The following ALG13 variants were observed in gnomAD, a reference collection of about 807,000 sequenced individuals.
ALG13 encodes the protein ALG13 UDP-N-acetylglucosaminyltransferase subunit, also known as UDP-N-acetylglucosamine transferase subunit ALG13.
A neutral mutation model predicts 87.8 loss-of-function variants in ALG13; 11 were observed. The observed-to-expected ratio is 0.13, with a 90% CI of 0.08 to 0.21. ALG13 has a LOEUF of 0.21. ALG13 is among the 10% of genes least tolerant of loss of function. The pLI is 1.00. For synonymous variants in ALG13, 320 were observed against 306.3 expected (o/e 1.04, Z -0.47); for missense variants, 756 against 866.1 (o/e 0.87, Z 1.60).
At chrX:111,709,837 A>G (rs1382619678) in intron 5 of ALG13, among the ~76,000 whole-genome samples, 2 of 111,094 alleles carry the variant, frequency 1.8e-5, no homozygotes, top group African/African-American at 6.5e-5. Flanking sequence ...TTGACTTAAA[A>G]GCTTGTTACC....
At chrX:111,714,923 A>G (rs181371799) in intron 8 of ALG13, among the ~76,000 whole-genome samples, 1 of 112,201 alleles carries the variant, frequency 8.9e-6, no homozygotes, top group South Asian at 3.7e-4. Flanking sequence ...TGTACATAGC[A>G]TTGCTTGAGA....
chrX:111,757,112 A>G (rs1945326221), intron 25 of ALG13, among the ~76,000 whole-genome samples: 2 of 112,036 alleles, frequency 1.8e-5, no homozygotes, highest in Non-Finnish European at 3.8e-5. Flanking sequence ...TGTATACTTT[A>G]TATATTTTCT....
At chrX:111,736,939 T>A in intron 23 of ALG13, 60 bp downstream of exon 23, 1 of 972,222 alleles carries the variant, frequency 1.0e-6, no homozygotes, top group Non-Finnish European at 1.4e-6. Context: ...AACATGCACA[T>A]CCAGCTGTTC....
chrX:111,696,934 G>T, intron 3 of ALG13, among the ~76,000 whole-genome samples: 1 of 105,930 alleles, frequency 9.4e-6, no homozygotes, highest in East Asian at 3.0e-4. Context: ...ACCCATATTA[G>T]AACTTTGATT....
At chrX:111,729,061 A>G (rs1942391230) in intron 19 of ALG13, among the ~76,000 whole-genome samples, 1 of 111,776 alleles carries the variant, frequency 8.9e-6, no homozygotes, top group Non-Finnish European at 1.9e-5. Flanking sequence ...TATCACCACA[A>G]TAGAGAAATC....
intron 19 of ALG13, among the ~76,000 whole-genome samples, chrX:111,729,996 C>T (rs1195788828): frequency 8.9e-6 from 1 of 112,300 alleles, no homozygotes; most frequent in Non-Finnish European, 1.9e-5. Context: ...CTCCATTTTA[C>T]AGTGAAGAAT....
intron 3 of ALG13, among the ~76,000 whole-genome samples, chrX:111,703,200 A>G (rs1044149675): frequency 1.7e-4 from 19 of 109,914 alleles, no homozygotes; most frequent in African/African-American, 6.3e-4. Context: ...CATCATCATC[A>G]TCATCATCAT....
rs1942292917 is a variant in ALG13, at chrX:111,728,316, TAC to T, written c.2368+13_2368+14del. 7 of 1,207,514 alleles carry T rather than the reference TAC, an allele frequency of 5.8e-6. No individual in the cohort carries two copies. The highest frequency in any genetic ancestry group is 7.8e-6 in the Non-Finnish European group (7 of 893,868). ...GCCAGAGTGAAAATGGTGAGTCAAT[TAC>T]AGTTAAATATTTTTTAAAAGATTCT... On this transcript the variant is annotated intron_variant, in intron 19 of 26. Transcript: ENST00000394780.
At chrX:111,685,894 CAG>C (rs900175853) in intron 3 of ALG13, among the ~76,000 whole-genome samples, 3 of 111,810 alleles carry the variant, frequency 2.7e-5, no homozygotes, top group African/African-American at 9.8e-5. Context: ...GTTTGAGGAA[CAG>C]AGGGAAGATT....
rs1398808612 is a variant in ALG13 at position 111,760,095 on chromosome X, T to C, written c.*96T>C. 19 of 855,166 alleles carry C rather than the reference T, an allele frequency of 2.2e-5. No homozygotes were observed. The Admixed American group carries it at 6.7e-4, about 30-fold the overall frequency. The allele number at this position is 855,166 out of a possible 1,213,427, so 70.5% of individuals were successfully genotyped here. On this transcript the variant is annotated 3_prime_UTR_variant, in exon 27 of 27. Transcript: ENST00000394780. ...TTAGTGGTTAAATGATTTAGGTGAT[T>C]AGTGTTTACTATTGTATTTGTCTTT...
chrX:111,734,549 A>G (rs1196282709), intron 21 of ALG13: 1 of 113,822 alleles, frequency 8.8e-6, no homozygotes, highest in Non-Finnish European at 1.8e-5. Flanking sequence ...TCTATCATGC[A>G]TGAGTCCAAG....
intron 3 of ALG13, chrX:111,688,356 AC>A: frequency 1.4e-6 from 1 of 715,681 alleles, no homozygotes; most frequent in Non-Finnish European, 1.7e-6. Flanking sequence ...AAAAAATGAA[AC>A]AGTAACAACT....
At chrX:111,686,262 G>A (rs1258089584) in intron 3 of ALG13, 2 of 392,651 alleles carry the variant, frequency 5.1e-6, no homozygotes, top group East Asian at 5.0e-5. Context: ...CTATATATGT[G>A]TATATATATA....
chrX:111,743,939 G>A (rs1045737912), intron 23 of ALG13: 18 of 110,859 alleles, frequency 1.6e-4, no homozygotes, highest in African/African-American at 5.9e-4. Flanking sequence ...TGCGTGTTAT[G>A]TCATACATAT....
At chrX:111,752,291 C>T (rs776190833) in intron 24 of ALG13, among the ~76,000 whole-genome samples, 26 of 111,455 alleles carry the variant, frequency 2.3e-4, no homozygotes, top group Admixed American at 2.9e-4. Context: ...GTAACTAAAC[C>T]GTAGATGAGA....
chrX:111,688,912 C>T (rs1935625408), intron 3 of ALG13: 1 of 748,061 alleles, frequency 1.3e-6, no homozygotes, highest in South Asian at 6.8e-5. Flanking sequence ...GTGTCCATAG[C>T]TCTCTGGTAC....
chrX:111,733,834 G>T (rs186205257), intron 21 of ALG13, among the ~76,000 whole-genome samples: 1 of 111,422 alleles, frequency 9.0e-6, no homozygotes, highest in East Asian at 2.8e-4. Flanking sequence ...TGATATTTTT[G>T]ATTATGGCCA....
intron 3 of ALG13, among the ~76,000 whole-genome samples, chrX:111,701,741 A>T (rs2147928745): frequency 9.0e-6 from 1 of 110,644 alleles, no homozygotes; most frequent in Non-Finnish European, 1.9e-5. Flanking sequence ...TTCTTTTTCT[A>T]GTTCCTTGAA....
At position 111,692,339 on chromosome X, in the gene ALG13, TC is replaced by T. The variant is rs1180563545; in HGVS notation, c.383+7238del. On this transcript the variant is annotated intron_variant, in intron 3 of 26. Transcript: ENST00000394780. Reference sequence around the variant, plus strand: ...GTATCAGCAGGATCCAAGACATGATTCCTGCTCTGAAGGACCTATGTCTTAC... The same window carrying T: ...GTATCAGCAGGATCCAAGACATGATTCTGCTCTGAAGGACCTATGTCTTAC... Among the ~76,000 whole-genome samples, 22 of 111,974 alleles carry T rather than the reference TC, an allele frequency of 2.0e-4. No homozygotes were observed. The Admixed American group carries it at 2.1e-3, about 11-fold the overall frequency.
Sources: allele counts gnomAD v4.1 joint callset (sites outside exome capture counted in the v4.1 genomes callset), GRCh38; gene constraint gnomAD v4.1.1; transcripts MANE v1.5; gene names NCBI Gene and HGNC (gene_info 2026-07-23, HGNC 2026-07-21).